DNAH12: variants seen among roughly 807,000 people sequenced by gnomAD.
DNAH12 encodes axonemal beta dynein heavy chain 12.
A neutral mutation model predicts 371.5 loss-of-function variants in DNAH12; 285 were observed. The observed-to-expected ratio is 0.77, with a 90% confidence interval of 0.70 to 0.85. The LOEUF (loss-of-function observed/expected upper bound fraction) is 0.85. DNAH12 is among the 40% of genes least tolerant of loss of function. The pLI is 0.00. For missense variants in DNAH12, 3,611 were observed against 3,689.4 expected (o/e 0.98, Z 0.55); for synonymous variants, 1,200 against 1,213.0 (o/e 0.99, Z 0.22).
intron 70 of DNAH12, among the ~76,000 whole-genome samples, chr3:57,298,187 C>T (rs985824964): frequency 6.6e-6 from 1 of 152,204 alleles, no homozygotes; most frequent in Non-Finnish European, 1.5e-5. Flanking sequence ...AGAACTCCAC[C>T]TAGCCATGCA....
At chr3:57,399,583 T>C (rs2063814546) in intron 43 of DNAH12, among the ~76,000 whole-genome samples, 2 of 152,296 alleles carry the variant, frequency 1.3e-5, no homozygotes, top group East Asian at 3.9e-4. Context: ...TATTACATAA[T>C]GATAAAAGGG....
chr3:57,362,438 C>G, intron 58 of DNAH12, among the ~76,000 whole-genome samples: 1 of 152,312 alleles, frequency 6.6e-6, no homozygotes, highest in East Asian at 1.9e-4. Flanking sequence ...TGACAAAGTG[C>G]CACACTGTCT....
intron 13 of DNAH12, among the ~76,000 whole-genome samples, chr3:57,476,886 T>C (rs1483546723): frequency 1.3e-5 from 2 of 152,186 alleles, no homozygotes; most frequent in African/African-American, 4.8e-5. Flanking sequence ...TAAAAATCTA[T>C]ATTGTTTAAG....
In DNAH12 at chr3:57,446,290, A is replaced by T. The variant is rs1258580780; in HGVS notation, c.3940-20T>A. The T allele has an allele frequency of 1.9e-6, 3 of 1,540,454 alleles. No individual in the cohort carries two copies. In the South Asian group the frequency reaches 3.7e-5, roughly 19 times the overall value. ...AAAAAACTAAGGACAAAGAAAAAGGAAAGTGATTTTTTTCTCAGGAAAGGA... is the reference window on the plus strand; with the variant it reads ...AAAAAACTAAGGACAAAGAAAAAGGTAAGTGATTTTTTTCTCAGGAAAGGA... On this transcript the variant is annotated intron_variant, in intron 26 of 73. Coordinates refer to ENST00000495027, the MANE Select transcript of DNAH12 (RefSeq NM_001366028.2).
At chr3:57,505,191 T>C (rs1408819864) in intron 8 of DNAH12, among the ~76,000 whole-genome samples, 1 of 151,698 alleles carries the variant, frequency 6.6e-6, no homozygotes, top group Non-Finnish European at 1.5e-5. Flanking sequence ...ACTCAGCTTA[T>C]CCATTCTTTC....
At chr3:57,438,439 T>C (rs928149644) in intron 29 of DNAH12, among the ~76,000 whole-genome samples, 1 of 152,000 alleles carries the variant, frequency 6.6e-6, no homozygotes, top group Non-Finnish European at 1.5e-5. Context: ...GCCAGAACAA[T>C]CAGGCAAGAG....
chr3:57,451,285 G>A (rs2065749109), intron 25 of DNAH12, among the ~76,000 whole-genome samples: 1 of 152,198 alleles, frequency 6.6e-6, no homozygotes, highest in Non-Finnish European at 1.5e-5. Context: ...ATTCCCGTAG[G>A]AAGGGTTGCC....
intron 32 of DNAH12, 32 bp downstream of exon 32, chr3:57,433,335 C>A: frequency 6.5e-7 from 1 of 1,535,926 alleles, no homozygotes; most frequent in Non-Finnish European, 8.8e-7. Flanking sequence ...TTAATCATGG[C>A]TGAATCTGCT....
At chr3:57,341,750 T>C (rs1363436173) in intron 60 of DNAH12, among the ~76,000 whole-genome samples, 1 of 146,750 alleles carries the variant, frequency 6.8e-6, no homozygotes, top group Non-Finnish European at 1.5e-5. Flanking sequence ...TTCACAGAAA[T>C]AGAAAAAAAA....
At chr3:57,311,804 G>T (rs1308979605) in intron 66 of DNAH12, among the ~76,000 whole-genome samples, 3 of 152,206 alleles carry the variant, frequency 2.0e-5, no homozygotes, top group Admixed American at 2.0e-4. Context: ...AAACTTTAGT[G>T]CAACAGCATA....
intron 43 of DNAH12, among the ~76,000 whole-genome samples, chr3:57,401,010 T>C (rs1169025504): frequency 6.6e-6 from 1 of 152,172 alleles, no homozygotes; most frequent in Non-Finnish European, 1.5e-5. Context: ...TCATAGAAAG[T>C]ATCTTTCCTG....
rs370222530 is a variant in DNAH12 at position 57,436,567 on chromosome 3, G to C, written c.4655+384C>G. Among the ~76,000 whole-genome samples, 45 of 152,292 alleles carry C rather than the reference G, an allele frequency of 3.0e-4. No individual in the cohort carries two copies. The East Asian group carries it at 7.3e-3, about 25-fold the overall frequency. The stretch of plus-strand genomic sequence containing the variant: ...AGATAACTTGTCTTTCTAGGTTGTA[G>C]GTCTCTGGATCAAGAGGAACAACTT... On this transcript the variant is annotated intron_variant, in intron 30 of 73. Transcript: ENST00000495027.
intron 4 of DNAH12, among the ~76,000 whole-genome samples, chr3:57,516,475 C>T (rs1039053880): frequency 1.3e-5 from 2 of 152,154 alleles, no homozygotes; most frequent in Non-Finnish European, 2.9e-5. Context: ...CCAGCTCTTC[C>T]CTCCTCTCTA....
intron 39 of DNAH12, among the ~76,000 whole-genome samples, chr3:57,411,754 C>T (rs559221547): frequency 6.6e-6 from 1 of 152,198 alleles, no homozygotes; most frequent in Admixed American, 6.5e-5. Context: ...GACAGTCCTT[C>T]CAAACTTGAC....
intron 60 of DNAH12, among the ~76,000 whole-genome samples, chr3:57,341,783 C>T (rs1222453297): frequency 6.6e-6 from 1 of 151,940 alleles, no homozygotes; most frequent in African/African-American, 2.4e-5. Flanking sequence ...TTGCATGGAA[C>T]CACGAAAGAC....
At chr3:57,337,097 G>A (rs1304380258) in intron 60 of DNAH12, among the ~76,000 whole-genome samples, 1 of 152,142 alleles carries the variant, frequency 6.6e-6, no homozygotes, top group Non-Finnish European at 1.5e-5. Flanking sequence ...AGTAGGAGTA[G>A]CTATATTTAC....
intron 23 of DNAH12, among the ~76,000 whole-genome samples, chr3:57,454,211 C>A (rs913499684): frequency 2.6e-5 from 4 of 152,022 alleles, no homozygotes; most frequent in East Asian, 1.9e-4. Flanking sequence ...CCAGGTGCAG[C>A]GGTTCATGCC....
chr3:57,428,421 C>T lies in DNAH12; in HGVS notation c.5253+212G>A, dbSNP rs541053898. The T allele has an allele frequency of 9.9e-6, 15 of 1,512,028 alleles. No homozygotes were observed. The East Asian group carries it at 3.4e-4, about 35-fold the overall frequency. The allele number at this position is 1,512,028 out of a possible 1,614,324, so 93.7% of individuals were successfully genotyped here. On this transcript the variant is annotated intron_variant, in intron 34 of 73. Transcript: ENST00000495027. ...TAATTAGAATTTTTAAAATTTTAGA[C>T]ACTATGGTTGTATACAAATAGTTTA...
chr3:57,415,370 G>C, intron 38 of DNAH12, 56 bp downstream of exon 38: 1 of 1,526,546 alleles, frequency 6.6e-7, no homozygotes, highest in Non-Finnish European at 8.8e-7. Flanking sequence ...TTTAAACACT[G>C]AGCAAATAAG....
Sources: allele counts gnomAD v4.1 joint callset (sites outside exome capture counted in the v4.1 genomes callset), GRCh38; gene constraint gnomAD v4.1.1; transcripts MANE v1.5; gene names NCBI Gene and HGNC (gene_info 2026-07-23, HGNC 2026-07-21).